Variants in LRRC37A2 observed in about 807,000 individuals in gnomAD.
LRRC37A2 encodes leucine-rich repeat-containing protein 37A2.
LRRC37A2 carries 9 observed loss-of-function variants against 68.8 expected under a neutral mutation model. The ratio of observed to expected loss-of-function variants is 0.13; its 90% confidence interval spans 0.08 to 0.23. LRRC37A2 has a LOEUF of 0.23. Among genes scored for constraint, LRRC37A2 ranks in the 10% least tolerant of loss-of-function variants. The pLI, the probability that LRRC37A2 is intolerant of heterozygous loss-of-function variation, is 1.00. For synonymous variants in LRRC37A2, 63 were observed against 367.6 expected (o/e 0.17, Z 9.48); for missense variants, 168 against 950.4 (o/e 0.18, Z 10.82).
chr17:47,006,537 G>A, the LRRC37A2 span, among the ~76,000 whole-genome samples: 4 of 152,248 alleles, frequency 2.6e-5, no homozygotes, highest in East Asian at 1.9e-4. Context: ...GTTTGAATCC[G>A]GGAGGCAGAG....
At chr17:46,851,762 C>A in the LRRC37A2 span, 1 of 1,018,588 alleles carries the variant, frequency 9.8e-7, no homozygotes, top group Non-Finnish European at 1.3e-6. The surrounding 1 kb of genome is among the most constrained non-coding windows in gnomAD (Gnocchi z 4.3). Context: ...CTGCCTGTCT[C>A]TCCCTCCTGC....
chr17:46,883,627 G>C, the LRRC37A2 span, among the ~76,000 whole-genome samples: 1 of 152,202 alleles, frequency 6.6e-6, no homozygotes, highest in Non-Finnish European at 1.5e-5. Context: ...AGCTCAGAGA[G>C]GTTCCCTTGC....
the LRRC37A2 span, among the ~76,000 whole-genome samples, chr17:46,859,896 C>T: frequency 6.6e-6 from 1 of 152,044 alleles, no homozygotes; most frequent in Non-Finnish European, 1.5e-5. Context: ...AGTGTGCAGG[C>T]ATTGAAAATT....
At chr17:46,987,627 G>A in the LRRC37A2 span, among the ~76,000 whole-genome samples, 1 of 152,132 alleles carries the variant, frequency 6.6e-6, no homozygotes, top group Non-Finnish European at 1.5e-5. Context: ...CCCACTCTAA[G>A]TATATACCCA....
At chr17:46,875,271 A>G in the LRRC37A2 span, 2 of 1,614,214 alleles carry the variant, frequency 1.2e-6, no homozygotes, top group East Asian at 4.5e-5. Context: ...CCTCAAGTAC[A>G]GCACCAAGTT....
At chr17:46,898,818 T>C in the LRRC37A2 span, among the ~76,000 whole-genome samples, 12 of 152,278 alleles carry the variant, frequency 7.9e-5, no homozygotes, top group East Asian at 2.3e-3. Context: ...CTGGTAGGAA[T>C]GTAAATTGGT....
At chr17:46,896,174 A>G in the LRRC37A2 span, among the ~76,000 whole-genome samples, 1 of 151,806 alleles carries the variant, frequency 6.6e-6, no homozygotes, top group Admixed American at 6.6e-5. Flanking sequence ...GATGCCTGTA[A>G]TCCCAGCTAC....
At chr17:46,820,869 G>C in the LRRC37A2 span, among the ~76,000 whole-genome samples, 2 of 152,160 alleles carry the variant, frequency 1.3e-5, no homozygotes, top group African/African-American at 2.4e-5. Flanking sequence ...GCTGGGGAGG[G>C]CTACCTTCCC....
chr17:47,037,246 C>T, the LRRC37A2 span, among the ~76,000 whole-genome samples: 124 of 152,078 alleles, frequency 8.2e-4, no homozygotes, highest in African/African-American at 2.7e-3. Context: ...GCCGAGGTCA[C>T]GCCATTGCAC....
At chr17:46,635,732 T>C in the LRRC37A2 span, among the ~76,000 whole-genome samples, 1 of 119,736 alleles carries the variant, frequency 8.4e-6, no homozygotes, top group Non-Finnish European at 1.9e-5. Flanking sequence ...GGGCCATTGG[T>C]AAATTTTAGG....
At chr17:46,777,367 C>T in the LRRC37A2 span, among the ~76,000 whole-genome samples, 1 of 152,272 alleles carries the variant, frequency 6.6e-6, no homozygotes, top group East Asian at 1.9e-4. Flanking sequence ...ACCCAGCTCT[C>T]CAAGGGGCTC....
chr17:46,792,991 G>A, the LRRC37A2 span, among the ~76,000 whole-genome samples: 3 of 152,010 alleles, frequency 2.0e-5, no homozygotes, highest in Non-Finnish European at 4.4e-5. Context: ...AGGGCTGAGG[G>A]AGGTGGCTCA....
chr17:46,893,439 G>C, the LRRC37A2 span, among the ~76,000 whole-genome samples: 1 of 151,806 alleles, frequency 6.6e-6, no homozygotes, highest in Non-Finnish European at 1.5e-5. Context: ...GTTACAGCTT[G>C]GGGTCCTTTA....
the LRRC37A2 span, among the ~76,000 whole-genome samples, chr17:46,496,915 G>A: frequency 5.2e-5 from 7 of 135,014 alleles, no homozygotes; most frequent in South Asian, 6.3e-4. Context: ...ACTCCATCTC[G>A]GGGAAAAAAA....
At chr17:46,902,599 A>G in the LRRC37A2 span, among the ~76,000 whole-genome samples, 2 of 152,044 alleles carry the variant, frequency 1.3e-5, no homozygotes, top group African/African-American at 2.4e-5. Flanking sequence ...GTCCAGGGGG[A>G]AAAACAAACA....
the LRRC37A2 span, among the ~76,000 whole-genome samples, chr17:46,752,772 C>T: frequency 6.6e-6 from 1 of 150,924 alleles, no homozygotes; most frequent in African/African-American, 2.4e-5. Context: ...AACTTTTTTT[C>T]TTTTTTTTTC....
the LRRC37A2 span, among the ~76,000 whole-genome samples, chr17:46,691,397 C>CCT: frequency 9.1e-6 from 1 of 109,862 alleles, no homozygotes; most frequent in East Asian, 3.0e-4. Flanking sequence ...GAGTTCGAGA[C>CCT]CAGCCTGGCA....
At chr17:47,014,665 C>T in the LRRC37A2 span, among the ~76,000 whole-genome samples, 7 of 151,630 alleles carry the variant, frequency 4.6e-5, no homozygotes, top group Non-Finnish European at 8.8e-5. Context: ...GGGTTAGTCT[C>T]CCCCCGCTCC....
the LRRC37A2 span, among the ~76,000 whole-genome samples, chr17:46,777,463 T>G: frequency 6.6e-6 from 1 of 152,246 alleles, no homozygotes; most frequent in Non-Finnish European, 1.5e-5. Context: ...TCTGGCACAC[T>G]GCCTGCATGG....
Sources: allele counts gnomAD v4.1 joint callset (sites outside exome capture counted in the v4.1 genomes callset), GRCh38; gene constraint gnomAD v4.1.1; non-coding constraint Gnocchi (gnomAD v3.1); transcripts MANE v1.5; gene names NCBI Gene and HGNC (gene_info 2026-07-23, HGNC 2026-07-21).